Variants in CANX observed in about 807,000 individuals in gnomAD.
CANX encodes the protein calnexin.
CANX carries 14 observed loss-of-function variants against 75.7 expected under a neutral mutation model. The ratio of observed to expected loss-of-function variants is 0.19; its 90% CI spans 0.12 to 0.29. The LOEUF (loss-of-function observed/expected upper bound fraction) is 0.29, where lower values mean the gene tolerates loss of function less well. Among genes scored for constraint, CANX ranks in the 10% least tolerant of loss-of-function variants. The pLI is 1.00. For synonymous variants in CANX, 227 were observed against 236.9 expected (o/e 0.96, Z 0.38); for missense variants, 567 against 713.2 (o/e 0.79, Z 2.34).
upstream of CANX, among the ~76,000 whole-genome samples, chr5:179,697,958 C>A (rs1776462151): frequency 6.6e-6 from 1 of 152,118 alleles, no homozygotes; most frequent in Non-Finnish European, 1.5e-5. Context: ...ACACCAAACC[C>A]TGCCTTTCTT....
chr5:179,710,132 T>G (rs1220999659), intron 7 of CANX, 67 bp downstream of exon 7: 2 of 1,025,838 alleles, frequency 1.9e-6, no homozygotes, highest in Non-Finnish European at 1.4e-6. Flanking sequence ...ATTTAAAGAT[T>G]GTATATCTGG....
intron 10 of CANX, 47 bp from the exon 11 acceptor site, chr5:179,722,757 T>G: frequency 1.5e-6 from 2 of 1,353,798 alleles, no homozygotes; most frequent in South Asian, 1.2e-5. Flanking sequence ...CATAAACTTT[T>G]GTTGATCATT....
intron 1 of CANX, among the ~76,000 whole-genome samples, chr5:179,686,395 G>C (rs1322119182): frequency 6.6e-6 from 1 of 150,670 alleles, no homozygotes; most frequent in African/African-American, 2.4e-5. Context: ...ACCAAGCCCG[G>C]CCATCTTTTT....
At chr5:179,726,786 T>C (rs1451697244) in intron 14 of CANX, 27 bp downstream of exon 14, 2 of 1,518,636 alleles carry the variant, frequency 1.3e-6, no homozygotes, top group African/African-American at 2.7e-5. Context: ...ACACATTTTG[T>C]TTTACCAAGC....
At chr5:179,695,660 AT>A (rs938029843), upstream of CANX, among the ~76,000 whole-genome samples, 7 of 129,868 alleles carry the variant, frequency 5.4e-5, no homozygotes, top group Non-Finnish European at 6.4e-5. Context: ...TTTTATTTTT[AT>A]TTTTTTTGAG....
exon 1 of CANX, chr5:179,678,662 C>G (rs1480475792): frequency 3.3e-6 from 5 of 1,535,386 alleles, no homozygotes; most frequent in Admixed American, 2.0e-5. Flanking sequence ...CTTCCTCTGC[C>G]CGGCGCGCGC....
At chr5:179,709,603 G>A (rs1230870431) in intron 6 of CANX, 1 of 254,236 alleles carries the variant, frequency 3.9e-6, no homozygotes, top group Non-Finnish European at 7.4e-6. Context: ...GTAAGTTTTA[G>A]TTTTGGCAAG....
intron 1 of CANX, among the ~76,000 whole-genome samples, chr5:179,688,487 C>T (rs1776233463): frequency 1.3e-5 from 2 of 150,550 alleles, no homozygotes; most frequent in African/African-American, 4.9e-5. Flanking sequence ...CCTTAGCCTG[C>T]CAACTAGCTG....
upstream of CANX, among the ~76,000 whole-genome samples, chr5:179,696,267 CTTTTTT>C (rs34048949): frequency 3.9e-3 from 224 of 56,758 alleles, no homozygotes; most frequent in African/African-American, 0.015. Context: ...AGTGTCATTT[CTTTTTT>C]TTTTTTTTTT....
chr5:179,692,585 T>A (rs1776316986), intron 1 of CANX, among the ~76,000 whole-genome samples: 1 of 152,020 alleles, frequency 6.6e-6, no homozygotes, highest in African/African-American at 2.4e-5. Context: ...TGGAGTGCAG[T>A]GGCATGATCA....
intron 13 of CANX, 124 bp from the exon 14 acceptor site, chr5:179,726,556 A>G: frequency 3.2e-6 from 2 of 615,496 alleles, no homozygotes; most frequent in Non-Finnish European, 5.7e-6. Context: ...AGCCTGGGCG[A>G]CAGAGCAAGA....
chr5:179,724,616 A>G (rs1417889890), intron 12 of CANX, 41 bp from the exon 13 acceptor site: 1 of 1,570,450 alleles, frequency 6.4e-7, no homozygotes, highest in African/African-American at 1.4e-5. Context: ...AACATAATAC[A>G]TGAACATGTA....
chr5:179,716,581 C>T (rs913034012), intron 8 of CANX, among the ~76,000 whole-genome samples: 1 of 152,200 alleles, frequency 6.6e-6, no homozygotes, highest in African/African-American at 2.4e-5. Context: ...CCTGGCTACT[C>T]CAGGGCTTCT....
At chr5:179,680,959 T>G (rs1284386276) in intron 1 of CANX, 2 of 1,493,932 alleles carry the variant, frequency 1.3e-6, no homozygotes, top group Non-Finnish European at 1.8e-6. Flanking sequence ...GGAGGATGTT[T>G]CCCCGTTAGT....
upstream of CANX, among the ~76,000 whole-genome samples, chr5:179,697,081 G>A (rs115239070): frequency 1.3e-5 from 2 of 151,972 alleles, no homozygotes. Flanking sequence ...ATTTAGAGAC[G>A]GGTTCTCACT....
chr5:179,690,846 G>A (rs1776288022), intron 1 of CANX, among the ~76,000 whole-genome samples: 1 of 151,806 alleles, frequency 6.6e-6, no homozygotes, highest in Admixed American at 6.6e-5. Flanking sequence ...CCGTGATCAT[G>A]CCACTGCATT....
chr5:179,705,263 G>T (rs896239469), intron 1 of CANX, among the ~76,000 whole-genome samples: 1 of 152,336 alleles, frequency 6.6e-6, no homozygotes, highest in South Asian at 2.1e-4. Context: ...GATTACAGGC[G>T]TGAGCCACGG....
At chr5:179,684,701 T>TTTG (rs1039677316) in intron 1 of CANX, among the ~76,000 whole-genome samples, 2 of 151,846 alleles carry the variant, frequency 1.3e-5, no homozygotes, top group Admixed American at 6.6e-5. Context: ...TTGCTGTTGT[T>TTTG]TTGTTGTTGT....
At chr5:179,707,080 C>A in intron 3 of CANX, 52 bp from the exon 4 acceptor site, 1 of 1,087,208 alleles carries the variant, frequency 9.2e-7, no homozygotes, top group Non-Finnish European at 1.4e-6. Flanking sequence ...ATAATTTTCC[C>A]TCACAAGTCA....
Sources: allele counts gnomAD v4.1 joint callset (sites outside exome capture counted in the v4.1 genomes callset), GRCh38; gene constraint gnomAD v4.1.1; transcripts MANE v1.5; gene names NCBI Gene and HGNC (gene_info 2026-07-23, HGNC 2026-07-21).